PDE6A: variants seen among roughly 807,000 people sequenced by gnomAD.
PDE6A encodes the protein rod cGMP-specific 3',5'-cyclic phosphodiesterase subunit alpha.
In PDE6A, 84 loss-of-function variants were observed where a neutral mutation model predicts 106.3. The observed-to-expected ratio is 0.79, with a 90% CI of 0.66 to 0.95. PDE6A has a LOEUF of 0.95. Ranked by LOEUF, PDE6A falls within the 40% of genes least tolerant of loss-of-function variation. The pLI is 0.00. For synonymous variants in PDE6A, 394 were observed against 386.6 expected, an observed-to-expected ratio of 1.02 and a Z score of -0.23; for missense variants, 1,052 against 1,084.9, an observed-to-expected ratio of 0.97 and a Z score of 0.43.
intron 6 of PDE6A, among the ~76,000 whole-genome samples, chr5:149,914,330 A>C (rs916011303): frequency 6.6e-6 from 1 of 152,124 alleles, no homozygotes; most frequent in Admixed American, 6.5e-5. Flanking sequence ...GTGGGGTCTC[A>C]TTGGATTTGG....
At position 149,883,511 on chromosome 5, in the gene PDE6A, C is replaced by T. The variant is rs121909835; in HGVS notation, c.2053G>A (p.Val685Met). The T allele has an allele frequency of 6.3e-5, 101 of 1,613,044 alleles. No individual in the cohort carries two copies. Among genetic ancestry groups the T allele is most frequent in the Middle Eastern group, 1.6e-4 (1 of 6,082 alleles). The change falls in exon 17 of 22, where the codon GTG becomes ATG. Residue 685 changes from valine to methionine, a missense_variant. Val to Met is a conservative substitution (Grantham distance 21). Coordinates refer to ENST00000255266, the MANE Select transcript of PDE6A (RefSeq NM_000440.3). Reference sequence around the variant, plus strand: ...CTCTCATATGTCTTAGACTGATCCACGATCTTTTGGAACATCGTCCTCTTC... The same window carrying T: ...CTCTCATATGTCTTAGACTGATCCATGATCTTTTGGAACATCGTCCTCTTC... ...FKKRTMFQKI[V>M]DQSKTYESEQ...
chr5:149,919,443 G>C (rs909741668), intron 5 of PDE6A, among the ~76,000 whole-genome samples: 1 of 152,200 alleles, frequency 6.6e-6, no homozygotes, highest in Non-Finnish European at 1.5e-5. Context: ...AGGAGGCGGA[G>C]GTTGCAGTGA....
chr5:149,907,185 A>C, intron 7 of PDE6A, 127 bp downstream of exon 7: 3 of 804,834 alleles, frequency 3.7e-6, no homozygotes, highest in South Asian at 2.7e-5. Context: ...TGAGAGAAAC[A>C]AGAGAATTAG....
At chr5:149,903,203 C>T (rs951150461) in intron 8 of PDE6A, among the ~76,000 whole-genome samples, 2 of 147,776 alleles carry the variant, frequency 1.4e-5, no homozygotes, top group African/African-American at 5.0e-5. Flanking sequence ...AAACACCTGG[C>T]AAAGTGGCAT....
intron 18 of PDE6A, 49 bp from the exon 19 acceptor site, chr5:149,867,848 TC>T (rs774406349): frequency 4.4e-5 from 68 of 1,553,796 alleles, no homozygotes; most frequent in Non-Finnish European, 5.8e-5. Flanking sequence ...CCCAGCCCAA[TC>T]CCCTACCCCT....
Position 149,895,226 on chromosome 5 carries a change from C to G in PDE6A, c.1685G>C (p.Arg562Pro). The G allele has an allele frequency of 6.2e-7, 1 of 1,614,152 alleles. No homozygotes were observed. The highest frequency in any genetic ancestry group is 1.3e-5 in the African/African-American group (1 of 75,028). Residue 562 changes from arginine (R) to proline (P), a missense_variant, in exon 13 of 22, where the codon CGG becomes CCG. Arg to Pro is a moderately radical substitution (Grantham distance 103). Coordinates refer to ENST00000255266, the MANE Select transcript of PDE6A (RefSeq NM_000440.3). ...GYRKITYHNW[R>P]HGFNVGQTMF... ...GGTCTGCCCCACGTTGAAGCCGTGC[C>G]GCCAGTTGTGGTAGGTGATCTTGCG...
At chr5:149,871,419 G>A (rs2113518803) in intron 17 of PDE6A, among the ~76,000 whole-genome samples, 1 of 152,308 alleles carries the variant, frequency 6.6e-6, no homozygotes, top group East Asian at 1.9e-4. Context: ...GAAACTGACT[G>A]AGGTCTGGGA....
chr5:149,934,456 G>T, intron 2 of PDE6A, 110 bp downstream of exon 2: 1 of 1,043,582 alleles, frequency 9.6e-7, no homozygotes, highest in Non-Finnish European at 1.5e-6. Flanking sequence ...TGAATTCCCT[G>T]TCTTACAGAT....
intron 13 of PDE6A, among the ~76,000 whole-genome samples, chr5:149,892,904 CT>C (rs754166178): frequency 2.0e-5 from 3 of 152,194 alleles, no homozygotes; most frequent in African/African-American, 4.8e-5. Flanking sequence ...ATTGGATTGC[CT>C]TGGTCAAAGG....
At position 149,928,208 on chromosome 5, in the gene PDE6A, G is replaced by GATATATATATATATATAT. The variant is rs1228867964; in HGVS notation, c.858+2819_858+2820insATATATATATATATATAT. ...TGTACTACAGCTCATAATTGTATGT[G>GATATATATATATATATAT]CTATATATATATATATATATATATT... On this transcript the variant is annotated intron_variant, in intron 4 of 21. Coordinates refer to ENST00000255266, the MANE Select transcript of PDE6A (RefSeq NM_000440.3). 1.5e-3 allele frequency among the ~76,000 whole-genome samples: 84 copies of GATATATATATATATATAT among 57,718 alleles called. 1 individual carries two copies. The highest frequency in any genetic ancestry group is 2.1e-3 in the African/African-American group (22 of 10,590). 37.9% of individuals were successfully genotyped at this position (57,718 alleles called of 152,430 possible).
intron 4 of PDE6A, 57 bp from the exon 5 acceptor site, chr5:149,921,766 T>G: frequency 1.4e-5 from 18 of 1,246,292 alleles, no homozygotes; most frequent in Non-Finnish European, 1.9e-5. Flanking sequence ...GGAAAGGAGA[T>G]TAAGATGTCC....
At position 149,921,683 on chromosome 5, in the gene PDE6A, C is replaced by G; in HGVS notation, c.885G>C (p.Leu295=). Residue 295 remains leucine, a synonymous_variant, in exon 5 of 22, where the codon CTG becomes CTC. Coordinates refer to ENST00000255266, the MANE Select transcript of PDE6A (RefSeq NM_000440.3). The part of the protein sequence containing the change: ...QKEFFDVWPV[L]MGEVPPYSGP... Reference sequence around the variant, plus strand: ...CAGAGTAAGGTGGAACTTCACCCATCAGAACCGGCCACACATCAAAAAATT... The same window carrying G: ...CAGAGTAAGGTGGAACTTCACCCATGAGAACCGGCCACACATCAAAAAATT... 1 of 1,613,946 alleles carries G rather than the reference C, an allele frequency of 6.2e-7. No homozygotes were observed. Among genetic ancestry groups the G allele is most frequent in the Non-Finnish European group, 8.5e-7 (1 of 1,179,884 alleles).
At chr5:149,942,933 A>C (rs965034779) in intron 1 of PDE6A, among the ~76,000 whole-genome samples, 1 of 151,186 alleles carries the variant, frequency 6.6e-6, no homozygotes, top group African/African-American at 2.4e-5. Flanking sequence ...ATTGGGTTTT[A>C]CACCGAGACA....
chr5:149,919,686 G>A (rs1753648730), intron 5 of PDE6A, among the ~76,000 whole-genome samples: 1 of 152,152 alleles, frequency 6.6e-6, no homozygotes, highest in South Asian at 2.1e-4. Context: ...CCTCTGGAAA[G>A]TCAAAACTGA....
chr5:149,893,773 G>A (rs1675500206), intron 13 of PDE6A, among the ~76,000 whole-genome samples: 1 of 152,142 alleles, frequency 6.6e-6, no homozygotes, highest in African/African-American at 2.4e-5. Context: ...CTCTTTTCCA[G>A]TCCCAAGGGC....
chr5:149,923,303 GC>G (rs1753774912), intron 4 of PDE6A, among the ~76,000 whole-genome samples: 1 of 152,064 alleles, frequency 6.6e-6, no homozygotes, highest in Non-Finnish European at 1.5e-5. Context: ...TTTGACACCA[GC>G]CTGAGCAACA....
chr5:149,923,992 C>T (rs1753807657), intron 4 of PDE6A, among the ~76,000 whole-genome samples: 1 of 152,198 alleles, frequency 6.6e-6, no homozygotes, highest in Non-Finnish European at 1.5e-5. Context: ...TTTTGCCCTT[C>T]TCCCCAGTTG....
chr5:149,915,348 G>A (rs1474672138), intron 5 of PDE6A, among the ~76,000 whole-genome samples: 1 of 152,144 alleles, frequency 6.6e-6, no homozygotes, highest in East Asian at 1.9e-4. Flanking sequence ...AAGTTCAACA[G>A]GAGTATGTCC....
chr5:149,894,629 A>ATTTTT (rs10657525), intron 13 of PDE6A, among the ~76,000 whole-genome samples: 1,345 of 113,002 alleles, frequency 0.012, 73 homozygotes, highest in African/African-American at 0.04. Context: ...GAACTGTTGA[A>ATTTTT]TTTTTTTTTT....
Sources: allele counts gnomAD v4.1 joint callset (sites outside exome capture counted in the v4.1 genomes callset), GRCh38; gene constraint gnomAD v4.1.1; transcripts MANE v1.5; gene names NCBI Gene and HGNC (gene_info 2026-07-23, HGNC 2026-07-21).